Variants in SLC24A5 observed in about 807,000 individuals in gnomAD.
SLC24A5 encodes sodium/potassium/calcium exchanger 5.
SLC24A5 carries 46 observed loss-of-function variants against 51.6 expected under a neutral mutation model. The observed-to-expected ratio is 0.89, with a 90% confidence interval of 0.70 to 1.14. SLC24A5 has a LOEUF of 1.14. Ranked by LOEUF, SLC24A5 falls within the 50% of genes most tolerant of loss-of-function variation. SLC24A5 has a pLI of 0.00. For missense variants in SLC24A5, 581 were observed against 604.1 expected (o/e 0.96, Z 0.40); for synonymous variants, 230 against 214.9 (o/e 1.07, Z -0.62).
intron 2 of SLC24A5, chr15:48,123,441 T>C (rs1409360453): frequency 2.6e-5 from 4 of 152,104 alleles, no homozygotes; most frequent in Admixed American, 6.6e-5. Flanking sequence ...ATCTTTCCTT[T>C]TTTTCACACA....
intron 2 of SLC24A5, 27 bp from the exon 3 acceptor site, chr15:48,134,231 C>T: frequency 6.3e-7 from 1 of 1,588,510 alleles, no homozygotes; most frequent in Non-Finnish European, 8.6e-7. Context: ...CTTTATTAGG[C>T]ATAACAATCA....
intron 2 of SLC24A5, among the ~76,000 whole-genome samples, chr15:48,129,780 C>T (rs1018385643): frequency 6.6e-6 from 1 of 151,448 alleles, no homozygotes; most frequent in Non-Finnish European, 1.5e-5. Context: ...AGTCTTAAAG[C>T]ATAGAATTCA....
At chr15:48,125,206 A>AT (rs1320143133) in intron 2 of SLC24A5, among the ~76,000 whole-genome samples, 2 of 151,374 alleles carry the variant, frequency 1.3e-5, no homozygotes, top group Non-Finnish European at 2.9e-5. Flanking sequence ...CTACAGTGTT[A>AT]TTTTTTATCA....
chr15:48,121,756 C>T lies in SLC24A5; in HGVS notation c.122-101C>T, dbSNP rs145284090. On this transcript the variant is annotated intron_variant, in intron 1 of 8. Coordinates refer to ENST00000341459, the MANE Select transcript of SLC24A5 (RefSeq NM_205850.3). ...TTTTCAGTGGGTCCTTAAAATTCCA[C>T]CCGGTTACCCCACACTTACAGATTT... 176 of 1,212,660 alleles carry T rather than the reference C, an allele frequency of 1.5e-4. 2 individuals are homozygous for T. In the East Asian group the frequency reaches 3.8e-3, roughly 26 times the overall value. 75.1% of individuals were successfully genotyped at this position (1,212,660 alleles called of 1,614,324 possible).
chr15:48,128,740 T>C (rs896658798), intron 2 of SLC24A5, among the ~76,000 whole-genome samples: 8 of 152,212 alleles, frequency 5.3e-5, no homozygotes, highest in Admixed American at 3.3e-4. Flanking sequence ...TTCTTTTTTC[T>C]CTGATCTAAA....
intron 2 of SLC24A5, among the ~76,000 whole-genome samples, chr15:48,126,599 G>A (rs1308011229): frequency 6.6e-6 from 1 of 152,182 alleles, no homozygotes; most frequent in Non-Finnish European, 1.5e-5. Flanking sequence ...AAAGGAGCTA[G>A]AGGTAATGGG....
rs185448358 is a variant in SLC24A5 at position 48,133,348 on chromosome 15, T to C, written c.302-910T>C. Among the ~76,000 whole-genome samples the C allele has an allele frequency of 1.6e-4, 25 of 152,262 alleles. No homozygotes were observed. The East Asian group carries it at 4.6e-3, about 28-fold the overall frequency. ...GTAAAGCCTGGTTGGGGATTTCTTA[T>C]GCAAACCTATCTCGGCCTACGGCTT... On this transcript the variant is annotated intron_variant, in intron 2 of 8. Transcript: ENST00000341459.
At position 48,142,351 on chromosome 15, in the gene SLC24A5, A is replaced by T. The variant is rs925677408; in HGVS notation, c.1503A>T (p.Ter501CysextTer3). ...ATAAAATAAGGGGCTGTGGAGGTTG[A>T]TATTATTAATAGTGTTATGCAGAAA... is the stretch of plus-strand genomic sequence containing the variant. The part of the protein sequence containing the change: ...GNNKIRGCGG[*>C] Residue 501 changes from the stop codon to cysteine (C), a stop_lost, in exon 9 of 9, where the codon TGA (stop) becomes TGT (cysteine). Transcript: ENST00000341459. 1.9e-6 allele frequency: 3 copies of T among 1,574,254 alleles called. No homozygotes were observed. The African/African-American group carries it at 4.1e-5, about 21-fold the overall frequency.
intron 2 of SLC24A5, among the ~76,000 whole-genome samples, chr15:48,128,802 A>G (rs1597252940): frequency 6.6e-6 from 1 of 152,322 alleles, no homozygotes; most frequent in East Asian, 1.9e-4. Flanking sequence ...ACAGATCTAA[A>G]TAAGTGCTAA....
chr15:48,125,884 G>A (rs2038725804), intron 2 of SLC24A5, among the ~76,000 whole-genome samples: 1 of 152,106 alleles, frequency 6.6e-6, no homozygotes, highest in African/African-American at 2.4e-5. Context: ...GGATTGGCAG[G>A]CCCCTGTCCC....
rs376063839 is a variant in SLC24A5, at chr15:48,142,560, G to A, written c.*209G>A. ...ATATTATAAAACAGAAGTTTGGGGG[G>A]AAAAAATCTATGTTTTACCATACAA... is the stretch of plus-strand genomic sequence containing the variant. On this transcript the variant is annotated 3_prime_UTR_variant, in exon 9 of 9. Transcript: ENST00000341459. The A allele has an allele frequency of 1.0e-4, 47 of 471,970 alleles. No individual in the cohort carries two copies. The Middle Eastern group carries it at 2.3e-3, about 23-fold the overall frequency. 29.2% of individuals were successfully genotyped at this position (471,970 alleles called of 1,614,324 possible).
intron 2 of SLC24A5, 56 bp downstream of exon 2, chr15:48,122,092 T>C: frequency 6.4e-7 from 1 of 1,554,308 alleles, no homozygotes; most frequent in South Asian, 1.1e-5. Flanking sequence ...CACACAGATA[T>C]GACTGTCTTT....
At chr15:48,131,297 T>G (rs1392990054) in intron 2 of SLC24A5, among the ~76,000 whole-genome samples, 1 of 152,100 alleles carries the variant, frequency 6.6e-6, no homozygotes, top group Non-Finnish European at 1.5e-5. Flanking sequence ...TATATGTGTA[T>G]ATGTATGTAA....
chr15:48,122,367 A>G, intron 2 of SLC24A5: 1 of 427,578 alleles, frequency 2.3e-6, no homozygotes, highest in Non-Finnish European at 4.1e-6. Flanking sequence ...CTCCTAATAC[A>G]ATGAAACTCC....
chr15:48,130,410 A>G (rs2038777319), intron 2 of SLC24A5, among the ~76,000 whole-genome samples: 2 of 152,152 alleles, frequency 1.3e-5, no homozygotes, highest in African/African-American at 4.8e-5. Context: ...CCATCCATCT[A>G]TACAAAATCT....
At position 48,121,906 on chromosome 15, in the gene SLC24A5, G is replaced by T; in HGVS notation, c.171G>T (p.Gly57=). 1 of 1,614,084 alleles carries T rather than the reference G, an allele frequency of 6.2e-7. No individual in the cohort carries two copies. ...CTCCATCATCGGAGTTTCCCGAAGG[G>T]TTTTTCACGAGACAGGAGCGCAGAG... ...VISPSSEFPE[G]FFTRQERRDG... Residue 57 remains glycine (G), a synonymous_variant, in exon 2 of 9, where the codon GGG becomes GGT. Transcript: ENST00000341459.
In SLC24A5 at chr15:48,136,853, G is replaced by C; in HGVS notation, c.761G>C (p.Gly254Ala). 1 of 1,613,724 alleles carries C rather than the reference G, an allele frequency of 6.2e-7. No individual in the cohort carries two copies. The change falls in exon 6 of 9, where the codon GGT becomes GCT. Residue 254 changes from glycine to alanine, a missense_variant. Transcript: ENST00000341459. ...QQPLMGWEDE[G>A]QPFIRRQSRT... ...CCACTGATGGGCTGGGAAGATGAAG[G>C]TCAACCATTCATTCGTCGGCAATCA...
chr15:48,138,389 A>C (rs1567228494), intron 6 of SLC24A5: 1 of 152,010 alleles, frequency 6.6e-6, no homozygotes, highest in South Asian at 2.1e-4. Flanking sequence ...ACTACCTCCT[A>C]CTTTAAGGTT....
At chr15:48,137,674 C>G (rs189986495) in intron 6 of SLC24A5, 4 of 152,054 alleles carry the variant, frequency 2.6e-5, no homozygotes, top group African/African-American at 9.6e-5. Flanking sequence ...GGAAGCATCA[C>G]CAAGACTATA....
Sources: allele counts gnomAD v4.1 joint callset (sites outside exome capture counted in the v4.1 genomes callset), GRCh38; gene constraint gnomAD v4.1.1; transcripts MANE v1.5; gene names NCBI Gene and HGNC (gene_info 2026-07-23, HGNC 2026-07-21).